ANKRD62: variants seen among roughly 807,000 people sequenced by gnomAD.
The protein encoded by ANKRD62 is ankyrin repeat domain 62.
Under a neutral mutation model 98.8 loss-of-function variants are expected in ANKRD62, and 61 were observed. That is an observed-to-expected ratio of 0.62 (90% CI 0.50 to 0.76). The LOEUF is 0.76. ANKRD62 is among the 30% of genes least tolerant of loss of function. The probability of loss-of-function intolerance (pLI) is 0.00; values close to 1 mark genes in which losing one functional copy is unlikely to be tolerated. For synonymous variants in ANKRD62, 341 were observed against 367.9 expected, an observed-to-expected ratio of 0.93 and a Z score of 0.84; for missense variants, 933 against 1,082.9, an observed-to-expected ratio of 0.86 and a Z score of 1.94.
intron 8 of ANKRD62, among the ~76,000 whole-genome samples, chr18:12,112,324 A>G (rs1161291921): frequency 3.9e-5 from 6 of 152,168 alleles, no homozygotes; most frequent in African/African-American, 9.7e-5. Flanking sequence ...AAACTATACT[A>G]CAGAGTTACA....
intron 7 of ANKRD62, among the ~76,000 whole-genome samples, chr18:12,105,737 G>A (rs1019409216): frequency 6.6e-6 from 1 of 152,014 alleles, no homozygotes; most frequent in Non-Finnish European, 1.5e-5. Context: ...TAAATGATAG[G>A]AGATCAGGAA....
the ANKRD62 span, among the ~76,000 whole-genome samples, chr18:12,180,946 C>T: frequency 2.8e-5 from 4 of 141,454 alleles, no homozygotes; most frequent in African/African-American, 7.7e-5. Flanking sequence ...CCTCCCCCCC[C>T]ACCTCACAAC....
the ANKRD62 span, among the ~76,000 whole-genome samples, chr18:12,140,140 G>A: frequency 1.4e-4 from 21 of 151,988 alleles, no homozygotes; most frequent in Non-Finnish European, 2.2e-4. Flanking sequence ...TGATTGCATC[G>A]GTTACTGAGG....
At chr18:12,100,240 A>G (rs1023637368) in intron 6 of ANKRD62, among the ~76,000 whole-genome samples, 18 of 152,222 alleles carry the variant, frequency 1.2e-4, no homozygotes, top group African/African-American at 4.1e-4. Context: ...TATATGTATT[A>G]TATACTGTAT....
chr18:12,119,400 G>A (rs946290416), intron 10 of ANKRD62, among the ~76,000 whole-genome samples: 1 of 149,166 alleles, frequency 6.7e-6, no homozygotes, highest in Non-Finnish European at 1.5e-5. Flanking sequence ...CATAGACTGG[G>A]TAGCTTATAA....
At chr18:12,117,709 A>G (rs1027747326) in intron 10 of ANKRD62, among the ~76,000 whole-genome samples, 26 of 152,180 alleles carry the variant, frequency 1.7e-4, no homozygotes, top group African/African-American at 4.8e-4. Context: ...AAATGCCTGT[A>G]TCTGTCGAGA....
chr18:12,102,892 G>A (rs994669242), intron 6 of ANKRD62: 6 of 597,604 alleles, frequency 1.0e-5, no homozygotes, highest in African/African-American at 9.7e-5. Flanking sequence ...ATATTGTTGG[G>A]TGGATTCATT....
the ANKRD62 span, among the ~76,000 whole-genome samples, chr18:12,170,310 A>G: frequency 3.3e-5 from 5 of 152,192 alleles, no homozygotes; most frequent in Admixed American, 1.3e-4. Flanking sequence ...AATGTGTCCC[A>G]GAGGTTCTGG....
the ANKRD62 span, among the ~76,000 whole-genome samples, chr18:12,138,671 G>A: frequency 6.6e-6 from 1 of 152,288 alleles, no homozygotes; most frequent in East Asian, 1.9e-4. Flanking sequence ...TTATTAATGT[G>A]TGGGAGTCTA....
Position 12,095,427 on chromosome 18 carries a change from A to G in ANKRD62, c.334-10A>G, listed in dbSNP as rs1340459741. ...AATTTACAGTCTATTTCTTGGTCTA[A>G]TACTGACAGGCTGTACAATGTCAAG... is the stretch of plus-strand genomic sequence containing the variant. On this transcript the variant is annotated splice_polypyrimidine_tract_variant and intron_variant, in intron 2 of 13. Coordinates refer to ENST00000587848, the MANE Select transcript of ANKRD62 (RefSeq NM_001277333.2). 5.7e-6 allele frequency: 9 copies of G among 1,566,882 alleles called. No homozygotes were observed. The highest frequency in any genetic ancestry group is 1.3e-5 in the African/African-American group (1 of 74,188).
the ANKRD62 span, among the ~76,000 whole-genome samples, chr18:12,175,736 A>G: frequency 2.6e-5 from 4 of 152,080 alleles, no homozygotes; most frequent in East Asian, 1.9e-4. Context: ...ATGACTTAAA[A>G]TTAGTGGAAT....
At chr18:12,151,357 T>C in the ANKRD62 span, among the ~76,000 whole-genome samples, 1,280 of 151,618 alleles carry the variant, frequency 8.4e-3, 8 homozygotes, top group East Asian at 0.016. Flanking sequence ...TAACGCTCCA[T>C]TGACGTTAGA....
At position 12,097,540 on chromosome 18, in the gene ANKRD62, C is replaced by A. The variant is rs564347580; in HGVS notation, c.615-100C>A. On this transcript the variant is annotated intron_variant, in intron 4 of 13. Coordinates refer to ENST00000587848, the MANE Select transcript of ANKRD62 (RefSeq NM_001277333.2). ...TATTAGTACATGTAATTGGTTAATT[C>A]TACATGGACAGGCATATTAAATTGG... 285 of 1,274,666 alleles carry A rather than the reference C, an allele frequency of 2.2e-4. 4 individuals are homozygous for A. The South Asian group carries it at 4.3e-3, about 19-fold the overall frequency. The allele number at this position is 1,274,666 out of a possible 1,614,324, so 79.0% of individuals were successfully genotyped here.
At chr18:12,162,687 T>C in the ANKRD62 span, among the ~76,000 whole-genome samples, 1 of 152,174 alleles carries the variant, frequency 6.6e-6, no homozygotes, top group African/African-American at 2.4e-5. Context: ...GATTTGATTT[T>C]TGTATATGGC....
the ANKRD62 span, among the ~76,000 whole-genome samples, chr18:12,177,527 C>T: frequency 1.3e-5 from 2 of 151,908 alleles, no homozygotes; most frequent in East Asian, 3.9e-4. Context: ...CATCTGTTTC[C>T]CATAAGTAGG....
chr18:12,097,843 A>G, intron 5 of ANKRD62, 66 bp downstream of exon 5: 1 of 1,496,466 alleles, frequency 6.7e-7, no homozygotes, highest in Non-Finnish European at 8.9e-7. Context: ...ATTGCATCTT[A>G]TATATCAAGT....
the ANKRD62 span, among the ~76,000 whole-genome samples, chr18:12,178,257 C>A: frequency 6.7e-6 from 1 of 150,320 alleles, no homozygotes; most frequent in Non-Finnish European, 1.5e-5. Flanking sequence ...AGGCAGATAG[C>A]ATATTGAGGG....
At chr18:12,136,852 C>G in the ANKRD62 span, among the ~76,000 whole-genome samples, 2 of 152,116 alleles carry the variant, frequency 1.3e-5, no homozygotes, top group Non-Finnish European at 2.9e-5. Context: ...CTCTGTTTGT[C>G]TGTTGTTGGT....
chr18:12,145,600 C>T, the ANKRD62 span, among the ~76,000 whole-genome samples: 39 of 152,300 alleles, frequency 2.6e-4, no homozygotes, highest in Middle Eastern at 3.4e-3. Flanking sequence ...TGTCTCTTCA[C>T]TGGGAGGGAG....
Sources: gnomAD v4.1 joint callset for allele counts (sites outside exome capture counted in the v4.1 genomes callset) on GRCh38, gnomAD v4.1.1 for gene constraint, MANE v1.5 for transcripts, NCBI Gene and HGNC (gene_info 2026-07-23, HGNC 2026-07-21) for gene names.